PAM: variants seen among roughly 807,000 people sequenced by gnomAD.
PAM encodes the protein peptidylglycine alpha-amidating monooxygenase, also known as peptidyl-glycine alpha-amidating monooxygenase.
PAM carries 72 observed loss-of-function variants against 122.1 expected under a neutral mutation model. The ratio of observed to expected loss-of-function variants is 0.59; its 90% CI spans 0.49 to 0.72. The LOEUF is 0.72. Ranked by LOEUF, PAM falls within the 30% of genes least tolerant of loss-of-function variation. The probability of loss-of-function intolerance (pLI) is 0.00; values close to 1 mark genes in which losing one functional copy is unlikely to be tolerated. For synonymous variants in PAM, 389 were observed against 404.4 expected (o/e 0.96, Z 0.46); for missense variants, 1,106 against 1,183.7 (o/e 0.93, Z 0.96).
At chr5:103,005,303 T>A in intron 18 of PAM, 77 bp downstream of exon 18, 1 of 847,434 alleles carries the variant, frequency 1.2e-6, no homozygotes, top group South Asian at 1.4e-5. Flanking sequence ...GTTGTATGGG[T>A]TTTTTGTTTG....
chr5:103,019,472 A>C (rs751676818), intron 22 of PAM, among the ~76,000 whole-genome samples: 5 of 152,176 alleles, frequency 3.3e-5, no homozygotes, highest in Non-Finnish European at 7.3e-5. Flanking sequence ...CAGAACTAGT[A>C]ATCAGTCTAA....
At chr5:102,996,962 G>A (rs777272781) in intron 16 of PAM, among the ~76,000 whole-genome samples, 1 of 151,940 alleles carries the variant, frequency 6.6e-6, no homozygotes, top group Non-Finnish European at 1.5e-5. Context: ...TTTGAGGGGT[G>A]GTAGTTAAAT....
chr5:102,971,407 T>C (rs1239317965), intron 14 of PAM, among the ~76,000 whole-genome samples: 1 of 152,190 alleles, frequency 6.6e-6, no homozygotes, highest in Non-Finnish European at 1.5e-5. Flanking sequence ...GAATTATTTC[T>C]TAGGGGCACA....
chr5:102,757,049 C>T (rs943800503), intron 1 of PAM, among the ~76,000 whole-genome samples: 6 of 152,164 alleles, frequency 3.9e-5, no homozygotes, highest in Non-Finnish European at 7.4e-5. Context: ...ATCATTTGGC[C>T]GGCTGCGGTG....
chr5:102,931,830 CTCTG>C (rs1554124861), intron 7 of PAM, among the ~76,000 whole-genome samples: 2 of 151,916 alleles, frequency 1.3e-5, no homozygotes, highest in Non-Finnish European at 2.9e-5. Context: ...CTCTCTCTCT[CTCTG>C]TCTCTCTCGG....
At chr5:102,940,626 C>T (rs898411940) in intron 7 of PAM, among the ~76,000 whole-genome samples, 7 of 151,700 alleles carry the variant, frequency 4.6e-5, no homozygotes, top group African/African-American at 1.7e-4. Flanking sequence ...GTAAATATTT[C>T]TTAGTAACCA....
rs542215639 is a variant in PAM at position 102,864,682 on chromosome 5, T to C, written c.-373-1141T>C. On this transcript the variant is annotated intron_variant, in intron 1 of 25. Transcript: ENST00000438793. ...TGTATTACTGTGAAACATTCCGATATGATTTTTCCTTATTTTTTCTTTTTA... is the reference window on the plus strand; with the variant it reads ...TGTATTACTGTGAAACATTCCGATACGATTTTTCCTTATTTTTTCTTTTTA... 16 of 152,342 alleles carry C rather than the reference T, an allele frequency of 1.1e-4. 1 individual carries two copies. The East Asian group carries it at 3.1e-3, about 29-fold the overall frequency. 9.4% of individuals were successfully genotyped at this position (152,342 alleles called of 1,614,324 possible).
chr5:102,867,447 T>G, intron 3 of PAM, 54 bp downstream of exon 3: 1 of 1,399,456 alleles, frequency 7.1e-7, no homozygotes, highest in South Asian at 1.3e-5. Flanking sequence ...AATCTATAAT[T>G]AAAGTAAGGA....
chr5:102,900,762 A>G (rs1255131921), intron 3 of PAM, among the ~76,000 whole-genome samples: 1 of 151,628 alleles, frequency 6.6e-6, no homozygotes, highest in Non-Finnish European at 1.5e-5. Flanking sequence ...AAATTTCTTG[A>G]TGTTAATATA....
chr5:102,929,868 TC>T (rs890322645), intron 7 of PAM, among the ~76,000 whole-genome samples: 35 of 131,810 alleles, frequency 2.7e-4, no homozygotes, highest in African/African-American at 1.0e-3. Flanking sequence ...TTTTTGCGAT[TC>T]TTTTTTTTTT....
chr5:102,941,302 C>T (rs1035647650), intron 7 of PAM, among the ~76,000 whole-genome samples: 1 of 152,158 alleles, frequency 6.6e-6, no homozygotes, highest in Non-Finnish European at 1.5e-5. Flanking sequence ...TCTTCCTTGC[C>T]GCAAGGCAAA....
At chr5:102,856,792 A>G (rs527778673) in intron 1 of PAM, among the ~76,000 whole-genome samples, 1 of 152,288 alleles carries the variant, frequency 6.6e-6, no homozygotes, top group East Asian at 1.9e-4. Flanking sequence ...TTTTCAGCAT[A>G]TATGTTCTAA....
chr5:102,900,808 A>T (rs1046274250), intron 3 of PAM, among the ~76,000 whole-genome samples: 3 of 151,596 alleles, frequency 2.0e-5, no homozygotes, highest in Non-Finnish European at 4.4e-5. Context: ...AGATGAGACC[A>T]ATAACTAGAA....
chr5:102,947,132 T>C (rs1317338068), intron 8 of PAM, among the ~76,000 whole-genome samples: 1 of 152,202 alleles, frequency 6.6e-6, no homozygotes, highest in Non-Finnish European at 1.5e-5. Context: ...AGCTTAAGGC[T>C]TGACTGGGGA....
chr5:102,974,498 C>T, intron 15 of PAM, 62 bp downstream of exon 15: 1 of 1,064,086 alleles, frequency 9.4e-7, no homozygotes, highest in East Asian at 2.4e-5. Context: ...GTTAGCAAAA[C>T]CTGAAGGGAA....
At chr5:102,999,756 C>A (rs997136936) in intron 16 of PAM, among the ~76,000 whole-genome samples, 1 of 152,204 alleles carries the variant, frequency 6.6e-6, no homozygotes, top group Admixed American at 6.5e-5. Flanking sequence ...AAGGCCCAAG[C>A]TATACCTTGG....
chr5:102,796,823 A>G (rs889075258), intron 1 of PAM, among the ~76,000 whole-genome samples: 6 of 152,166 alleles, frequency 3.9e-5, no homozygotes, highest in Non-Finnish European at 7.3e-5. Flanking sequence ...GTAAAATGGT[A>G]ATAGATATTA....
chr5:102,961,023 T>C, intron 13 of PAM, 135 bp from the exon 14 acceptor site: 1 of 430,752 alleles, frequency 2.3e-6, no homozygotes, highest in Non-Finnish European at 4.4e-6. Context: ...CATTTCTGTC[T>C]TATAAATTCT....
intron 16 of PAM, among the ~76,000 whole-genome samples, chr5:102,994,898 G>C (rs1016841761): frequency 6.6e-6 from 1 of 152,042 alleles, no homozygotes; most frequent in Non-Finnish European, 1.5e-5. Context: ...TATAAAATTT[G>C]AATAGCTGAA....
Sources: gnomAD v4.1 joint callset for allele counts (sites outside exome capture counted in the v4.1 genomes callset) on GRCh38, gnomAD v4.1.1 for gene constraint, MANE v1.5 for transcripts, NCBI Gene and HGNC (gene_info 2026-07-23, HGNC 2026-07-21) for gene names.